Variants in ATF2 observed in about 807,000 individuals in gnomAD.
The protein encoded by ATF2 is activating transcription factor 2, also known as cyclic AMP-dependent transcription factor ATF-2.
In ATF2, 24 loss-of-function variants were observed where a neutral mutation model predicts 60.6. That is an observed-to-expected ratio of 0.40 (90% CI 0.29 to 0.56). ATF2 has a LOEUF of 0.56. Ranked by LOEUF, ATF2 falls within the 20% of genes least tolerant of loss-of-function variation. The probability of loss-of-function intolerance (pLI) is 0.54; values close to 1 mark genes in which losing one functional copy is unlikely to be tolerated. For synonymous variants in ATF2, 206 were observed against 215.4 expected (o/e 0.96, Z 0.38); for missense variants, 433 against 607.7 (o/e 0.71, Z 3.02).
chr2:175,105,414 T>C (rs1695587197), intron 10 of ATF2, among the ~76,000 whole-genome samples: 1 of 151,674 alleles, frequency 6.6e-6, no homozygotes, highest in African/African-American at 2.4e-5. Context: ...ACCATAATGG[T>C]CTTCTTAGAA....
At chr2:175,075,946 T>C (rs2302665) in intron 13 of ATF2, among the ~76,000 whole-genome samples, 1 of 152,196 alleles carries the variant, frequency 6.6e-6, no homozygotes, top group East Asian at 1.9e-4. Context: ...ACTTTTTTTA[T>C]TCAGTGTTTA....
intron 2 of ATF2, among the ~76,000 whole-genome samples, chr2:175,141,495 T>G (rs182596007): frequency 1.3e-5 from 2 of 152,100 alleles, no homozygotes; most frequent in Admixed American, 1.3e-4. Context: ...ATTTTTCTTT[T>G]CTTTTTTTTC....
At chr2:175,153,447 C>A (rs1009707111) in intron 1 of ATF2, among the ~76,000 whole-genome samples, 1 of 152,200 alleles carries the variant, frequency 6.6e-6, no homozygotes, top group African/African-American at 2.4e-5. Flanking sequence ...CAGGATGTTA[C>A]TGTACTGAAT....
intron 1 of ATF2, among the ~76,000 whole-genome samples, chr2:175,163,251 T>TA (rs1344411509): frequency 1.3e-5 from 2 of 151,906 alleles, no homozygotes; most frequent in African/African-American, 4.8e-5. Flanking sequence ...GGAGCAAAGC[T>TA]AAAAAAATTA....
chr2:175,116,796 C>G (rs574815103), intron 7 of ATF2, among the ~76,000 whole-genome samples: 2 of 151,816 alleles, frequency 1.3e-5, no homozygotes, highest in South Asian at 4.1e-4. Flanking sequence ...GAATGAAATG[C>G]TCTCTAGGAA....
chr2:175,167,756 T>C (rs1423922722), intron 1 of ATF2: 1 of 471,304 alleles, frequency 2.1e-6, no homozygotes, highest in Non-Finnish European at 4.4e-6. Context: ...GAGCCGTTAT[T>C]CCTTTTTCCT....
intron 4 of ATF2, among the ~76,000 whole-genome samples, chr2:175,127,821 T>C (rs1214188258): frequency 2.0e-5 from 3 of 152,176 alleles, no homozygotes; most frequent in Admixed American, 2.0e-4. Flanking sequence ...AAAATTGCAT[T>C]AACCCTGATA....
chr2:175,107,400 G>A (rs566825598), intron 10 of ATF2, among the ~76,000 whole-genome samples: 3 of 152,222 alleles, frequency 2.0e-5, no homozygotes, highest in South Asian at 2.1e-4. Flanking sequence ...CCTCTGACTC[G>A]GCGATTCTAC....
At chr2:175,083,348 G>C (rs972406242) in intron 12 of ATF2, among the ~76,000 whole-genome samples, 1 of 152,104 alleles carries the variant, frequency 6.6e-6, no homozygotes, top group African/African-American at 2.4e-5. Flanking sequence ...CGCCGCATAT[G>C]TACAACTATC....
chr2:175,151,974 CTT>C (rs1400203229), intron 1 of ATF2, among the ~76,000 whole-genome samples: 1 of 152,166 alleles, frequency 6.6e-6, no homozygotes, highest in Non-Finnish European at 1.5e-5. Flanking sequence ...TCACAGGAAA[CTT>C]TTATTTACAT....
At chr2:175,099,923 C>A (rs1386800109) in intron 10 of ATF2, among the ~76,000 whole-genome samples, 1 of 152,146 alleles carries the variant, frequency 6.6e-6, no homozygotes, top group Non-Finnish European at 1.5e-5. Flanking sequence ...CTTAATGATT[C>A]AAAAAACAAT....
At chr2:175,087,944 G>T (rs915644064) in intron 12 of ATF2, among the ~76,000 whole-genome samples, 1 of 152,092 alleles carries the variant, frequency 6.6e-6, no homozygotes, top group Non-Finnish European at 1.5e-5. Flanking sequence ...CACAAATTCT[G>T]TAAGTGCAAA....
At chr2:175,095,071 A>G (rs924574053) in intron 11 of ATF2, among the ~76,000 whole-genome samples, 10 of 151,994 alleles carry the variant, frequency 6.6e-5, no homozygotes, top group Middle Eastern at 3.2e-3. Context: ...GCAATCTTGA[A>G]ATTTTTTTCT....
chr2:175,078,376 G>A (rs1693519014), intron 13 of ATF2, among the ~76,000 whole-genome samples: 1 of 152,194 alleles, frequency 6.6e-6, no homozygotes, highest in African/African-American at 2.4e-5. Context: ...CTTTAATTAT[G>A]CCCAGATCTA....
intron 1 of ATF2, among the ~76,000 whole-genome samples, chr2:175,154,445 G>A (rs986995747): frequency 4.0e-5 from 6 of 151,302 alleles, no homozygotes; most frequent in Admixed American, 2.0e-4. Context: ...ACCTCCTGAA[G>A]GACCTGCCTG....
intron 2 of ATF2, among the ~76,000 whole-genome samples, chr2:175,141,028 A>C (rs56654782): frequency 4.4e-4 from 29 of 65,700 alleles, no homozygotes; most frequent in Non-Finnish European, 4.5e-4. Context: ...AAAAAAAAAA[A>C]AAATATATAT....
chr2:175,105,543 T>C (rs372206277), intron 10 of ATF2, among the ~76,000 whole-genome samples: 25 of 152,162 alleles, frequency 1.6e-4, no homozygotes, highest in Non-Finnish European at 2.9e-4. Flanking sequence ...CATGTAACAA[T>C]TGATAGAAAT....
intron 1 of ATF2, among the ~76,000 whole-genome samples, chr2:175,165,058 G>A (rs1472025449): frequency 6.6e-6 from 1 of 151,962 alleles, no homozygotes; most frequent in East Asian, 1.9e-4. Context: ...CCTGACCTCA[G>A]CTGATCCGCC....
chr2:175,166,705 G>C (rs1194475127), intron 1 of ATF2, among the ~76,000 whole-genome samples: 1 of 152,154 alleles, frequency 6.6e-6, no homozygotes, highest in Non-Finnish European at 1.5e-5. Context: ...GCTATTTAAA[G>C]ATCAGAACGG....
Sources: allele counts gnomAD v4.1 joint callset (sites outside exome capture counted in the v4.1 genomes callset), GRCh38; gene constraint gnomAD v4.1.1; transcripts MANE v1.5; gene names NCBI Gene and HGNC (gene_info 2026-07-23, HGNC 2026-07-21).